GALNTL6: variants seen among roughly 807,000 people sequenced by gnomAD.
GALNTL6 encodes the protein polypeptide N-acetylgalactosaminyltransferase-like 6.
Under a neutral mutation model 73.7 loss-of-function variants are expected in GALNTL6, and 46 were observed. That is an observed-to-expected ratio of 0.62 (90% CI 0.49 to 0.80). The LOEUF (loss-of-function observed/expected upper bound fraction) is 0.80, where lower values mean the gene tolerates loss of function less well. Ranked by LOEUF, GALNTL6 falls within the 30% of genes least tolerant of loss-of-function variation. GALNTL6 has a pLI of 0.00. For synonymous variants in GALNTL6, 259 were observed against 263.7 expected, an observed-to-expected ratio of 0.98 and a Z score of 0.17; for missense variants, 604 against 755.0, an observed-to-expected ratio of 0.80 and a Z score of 2.34.
At chr4:172,491,402 A>C (rs1289186751) in intron 5 of GALNTL6, among the ~76,000 whole-genome samples, 1 of 152,062 alleles carries the variant, frequency 6.6e-6, no homozygotes, top group Non-Finnish European at 1.5e-5. Flanking sequence ...AAATAATTAC[A>C]TTTTGATGAC....
chr4:172,394,696 T>C (rs1189350132), intron 5 of GALNTL6, among the ~76,000 whole-genome samples: 1 of 151,990 alleles, frequency 6.6e-6, no homozygotes, highest in Non-Finnish European at 1.5e-5. Flanking sequence ...CCTCCCAAAG[T>C]GCTGGGATTA....
intron 5 of GALNTL6, among the ~76,000 whole-genome samples, chr4:172,646,782 A>G (rs992760294): frequency 1.5e-4 from 23 of 152,030 alleles, no homozygotes; most frequent in Admixed American, 7.2e-4. Context: ...CTATGCTGAT[A>G]GCTTCAATCA....
At chr4:172,594,852 T>G (rs1178135243) in intron 5 of GALNTL6, among the ~76,000 whole-genome samples, 1 of 152,182 alleles carries the variant, frequency 6.6e-6, no homozygotes, top group African/African-American at 2.4e-5. Context: ...AATATCCTTA[T>G]TGGATGTCTC....
At chr4:172,740,658 TG>T (rs1736744787) in intron 5 of GALNTL6, among the ~76,000 whole-genome samples, 1 of 152,172 alleles carries the variant, frequency 6.6e-6, no homozygotes, top group South Asian at 2.1e-4. Flanking sequence ...GAGTCTTTTT[TG>T]TGGTCTACTT....
At chr4:172,221,847 A>G (rs760130838) in intron 2 of GALNTL6, among the ~76,000 whole-genome samples, 3 of 151,690 alleles carry the variant, frequency 2.0e-5, no homozygotes, top group Non-Finnish European at 4.4e-5. Flanking sequence ...GATTATAACC[A>G]CTGCTGATTT....
At chr4:172,825,417 C>T (rs1742209403) in intron 7 of GALNTL6, among the ~76,000 whole-genome samples, 1 of 152,070 alleles carries the variant, frequency 6.6e-6, no homozygotes, top group Non-Finnish European at 1.5e-5. Context: ...TGATGGAGCT[C>T]GATGGTAACA....
chr4:172,036,762 G>C (rs1741939852), intron 2 of GALNTL6, among the ~76,000 whole-genome samples: 7 of 152,056 alleles, frequency 4.6e-5, no homozygotes, highest in Non-Finnish European at 1.0e-4. Flanking sequence ...TGAGAACCCA[G>C]TTGACGTTTC....
At chr4:172,887,568 A>AT (rs1442180904) in intron 8 of GALNTL6, among the ~76,000 whole-genome samples, 2 of 142,852 alleles carry the variant, frequency 1.4e-5, no homozygotes, top group African/African-American at 5.4e-5. Flanking sequence ...TTATTTATTT[A>AT]TTTATTTATT....
chr4:172,163,255 G>A (rs536329757), intron 2 of GALNTL6, among the ~76,000 whole-genome samples: 19 of 151,834 alleles, frequency 1.3e-4, no homozygotes, highest in Non-Finnish European at 8.8e-5. Flanking sequence ...CTAGCCTTAC[G>A]TGCAACAAAG....
chr4:172,579,821 G>A (rs992332834), intron 5 of GALNTL6, among the ~76,000 whole-genome samples: 1 of 150,146 alleles, frequency 6.7e-6, no homozygotes, highest in East Asian at 2.0e-4. Context: ...AGGGAAGGAA[G>A]GAGGGAAGGA....
chr4:171,998,335 T>G (rs1466545284), intron 2 of GALNTL6, among the ~76,000 whole-genome samples: 1 of 152,100 alleles, frequency 6.6e-6, no homozygotes, highest in African/African-American at 2.4e-5. Flanking sequence ...AAAATCAAGG[T>G]GCTGGCAAGG....
intron 2 of GALNTL6, among the ~76,000 whole-genome samples, chr4:172,115,984 T>C (rs1257572170): frequency 6.6e-6 from 1 of 152,010 alleles, no homozygotes; most frequent in Non-Finnish European, 1.5e-5. Flanking sequence ...ATACAAATTA[T>C]ATGACAGTAT....
At chr4:172,834,389 A>G (rs1742800279) in intron 7 of GALNTL6, among the ~76,000 whole-genome samples, 3 of 152,222 alleles carry the variant, frequency 2.0e-5, no homozygotes, top group South Asian at 2.1e-4. Context: ...GGCGTTGCCC[A>G]TTACAGCGAG....
intron 10 of GALNTL6, among the ~76,000 whole-genome samples, chr4:173,003,602 G>T (rs980082854): frequency 2.8e-4 from 43 of 152,286 alleles, no homozygotes; most frequent in African/African-American, 1.0e-3. Context: ...GCATGCATCT[G>T]TTTAATCCTC....
chr4:172,816,570 A>C (rs1287672031), intron 7 of GALNTL6, among the ~76,000 whole-genome samples: 1 of 152,210 alleles, frequency 6.6e-6, no homozygotes, highest in Non-Finnish European at 1.5e-5. Flanking sequence ...ATTTCTTCAC[A>C]TAGACTACAC....
intron 4 of GALNTL6, among the ~76,000 whole-genome samples, chr4:172,338,015 A>G (rs1741405430): frequency 6.6e-6 from 1 of 151,910 alleles, no homozygotes; most frequent in African/African-American, 2.4e-5. Context: ...TAGTTTGAAA[A>G]CCTGATCTTT....
At chr4:172,479,548 CAGAA>C (rs1356883295) in intron 5 of GALNTL6, among the ~76,000 whole-genome samples, 1 of 152,098 alleles carries the variant, frequency 6.6e-6, no homozygotes, top group African/African-American at 2.4e-5. Flanking sequence ...ATTGCAGACT[CAGAA>C]AGAGAGAGTG....
chr4:172,234,753 T>A (rs1006290188), intron 3 of GALNTL6, among the ~76,000 whole-genome samples: 1 of 152,136 alleles, frequency 6.6e-6, no homozygotes, highest in Non-Finnish European at 1.5e-5. Flanking sequence ...TGGCCCCAAA[T>A]TTTCTATTCT....
chr4:173,021,955 C>T (rs1183709178), intron 12 of GALNTL6, among the ~76,000 whole-genome samples: 1 of 150,032 alleles, frequency 6.7e-6, no homozygotes, highest in Non-Finnish European at 1.5e-5. Flanking sequence ...GATCGTGCCA[C>T]TACACTCCAG....
Sources: allele counts gnomAD v4.1 joint callset (sites outside exome capture counted in the v4.1 genomes callset), GRCh38; gene constraint gnomAD v4.1.1; transcripts MANE v1.5; gene names NCBI Gene and HGNC (gene_info 2026-07-23, HGNC 2026-07-21).